The following TP73 variants were observed in gnomAD, a reference collection of about 807,000 sequenced individuals.
The protein encoded by TP73 is p53-like transcription factor.
A neutral mutation model predicts 62.5 loss-of-function variants in TP73; 25 were observed. The ratio of observed to expected loss-of-function variants is 0.40; its 90% CI spans 0.29 to 0.56. The LOEUF (loss-of-function observed/expected upper bound fraction) is 0.56, where lower values mean the gene tolerates loss of function less well. Among genes scored for constraint, TP73 ranks in the 20% least tolerant of loss-of-function variants. The pLI, the probability that TP73 is intolerant of heterozygous loss-of-function variation, is 0.46. For synonymous variants in TP73, 423 were observed against 377.5 expected (o/e 1.12, Z -1.40); for missense variants, 754 against 913.3 (o/e 0.83, Z 2.25).
chr1:3,723,042 C>T (rs140331234), intron 5 of TP73, among the ~76,000 whole-genome samples: 62 of 150,538 alleles, frequency 4.1e-4, no homozygotes, highest in African/African-American at 1.2e-3. Flanking sequence ...CCTCTCTGCA[C>T]CTGGCATGCA....
At chr1:3,719,759 AC>A (rs141023993) in intron 4 of TP73, among the ~76,000 whole-genome samples, 11,018 of 152,152 alleles carry the variant, frequency 0.072, 1,302 homozygotes, top group African/African-American at 0.25. Context: ...AGCCAGACTG[AC>A]CCCACAACAA....
At position 3,730,007 on chromosome 1, in the gene TP73, C is replaced by G. The variant is rs1161015919; in HGVS notation, c.1204C>G (p.Leu402Val). 6.3e-7 allele frequency: 1 copy of G among 1,592,460 alleles called. No individual in the cohort carries two copies. The highest frequency in any genetic ancestry group is 8.6e-7 in the Non-Finnish European group (1 of 1,164,874). The part of the protein sequence containing the change: ...QQQLLQRPSH[L>V]QPPSYGPVLS... ...GCCGTTGCTTCTGAGCAGGAGTCAC[C>G]TACAGCCCCCGTCCTACGGGCCGGT... is the stretch of plus-strand genomic sequence containing the variant. The change falls in exon 11 of 14, where the codon CTA (leucine) becomes GTA (valine). Residue 402 changes from leucine (L) to valine (V), a missense_variant. Around this residue, in one of 3 missense-constraint regions of TP73, gnomAD observed 458 missense variants for 528.7 expected, o/e 0.87. Transcript: ENST00000378295.
rs1259667361 is a variant in TP73 at position 3,728,167 on chromosome 1, G to A, written c.1024G>A (p.Ala342Thr). ...QSPPAVPALGAGVKKRRHGDE... is the reference protein window; with the variant it reads ...QSPPAVPALGTGVKKRRHGDE... ...CCCCCCTGCCGTCCCCGCCCTTGGT[G>A]CCGGTGTGAAGAAGCGGCGGCATGG... Residue 342 changes from alanine to threonine, a missense_variant, in exon 9 of 14, where the codon GCC becomes ACC. Physicochemically the swap from Ala to Thr is moderately conservative, Grantham distance 58 (BLOSUM62 0). Transcript: ENST00000378295. 1 of 1,612,004 alleles carries A rather than the reference G, an allele frequency of 6.2e-7. No individual in the cohort carries two copies. The highest frequency in any genetic ancestry group is 8.5e-7 in the Non-Finnish European group (1 of 1,179,960).
intron 4 of TP73, among the ~76,000 whole-genome samples, chr1:3,712,745 C>T (rs1202805083): frequency 6.6e-6 from 1 of 152,210 alleles, no homozygotes; most frequent in East Asian, 1.9e-4. Context: ...ATGTGCAGGG[C>T]CTCCCACACT....
chr1:3,713,271 A>G (rs770480472), intron 4 of TP73, among the ~76,000 whole-genome samples: 1 of 152,206 alleles, frequency 6.6e-6, no homozygotes, highest in Non-Finnish European at 1.5e-5. Context: ...CTCATGGGCG[A>G]GAAGCCAGGC....
At chr1:3,724,147 A>T (rs1182315645) in intron 6 of TP73, among the ~76,000 whole-genome samples, 1 of 151,326 alleles carries the variant, frequency 6.6e-6, no homozygotes, top group East Asian at 1.9e-4. Flanking sequence ...ACAATTCTGG[A>T]GCTGATGTGG....
At chr1:3,680,524 G>A (rs183737310) in intron 1 of TP73, among the ~76,000 whole-genome samples, 6 of 152,206 alleles carry the variant, frequency 3.9e-5, no homozygotes, top group Non-Finnish European at 5.9e-5. Flanking sequence ...TCTTTCCTCC[G>A]AGTCCAGCCC....
rs1203709511 is a variant in TP73, at chr1:3,663,908, A to T, written c.-34+11267A>T. ...ATACCTGCTTTCCCTGGCTTCTCAG[A>T]TGCCACCGTGCCAGGTTTTGGGGTA... is the stretch of plus-strand genomic sequence containing the variant. On this transcript the variant is annotated intron_variant, in intron 1 of 13. Transcript: ENST00000378295. The surrounding 1 kb of genome is among the most constrained non-coding windows in gnomAD (Gnocchi z 4.7). 6.6e-6 allele frequency among the ~76,000 whole-genome samples: 1 copy of T among 152,118 alleles called. No homozygotes were observed. Among genetic ancestry groups the T allele is most frequent in the East Asian group, 1.9e-4 (1 of 5,166 alleles).
At chr1:3,707,479 C>A in intron 3 of TP73, 70 bp from the exon 4 acceptor site, 2 of 1,546,176 alleles carry the variant, frequency 1.3e-6, no homozygotes, top group Non-Finnish European at 1.8e-6. Flanking sequence ...TGTAACAGGA[C>A]ACCTCCTAGA....
intron 4 of TP73, among the ~76,000 whole-genome samples, chr1:3,716,817 G>T (rs578144895): frequency 6.6e-6 from 1 of 152,162 alleles, no homozygotes; most frequent in African/African-American, 2.4e-5. Context: ...GTGAACCCAC[G>T]AATTTAATGG....
chr1:3,684,594 A>G (rs1263370359), intron 3 of TP73, among the ~76,000 whole-genome samples: 1 of 151,542 alleles, frequency 6.6e-6, no homozygotes, highest in Non-Finnish European at 1.5e-5. Flanking sequence ...GTAGAGGTGG[A>G]GGGGCCGTGT....
rs977220670 is a variant in TP73, at chr1:3,699,011, G to T, written c.187-8538G>T. Reference sequence around the variant, plus strand: ...TGGCCCTGGCACGGGATTGGGCAAGGCCTCGCCTCAGCCCCGGGTGAGAGC... The same window carrying T: ...TGGCCCTGGCACGGGATTGGGCAAGTCCTCGCCTCAGCCCCGGGTGAGAGC... On this transcript the variant is annotated intron_variant, in intron 3 of 13. Transcript: ENST00000378295. The surrounding 1 kb of genome is among the most constrained non-coding windows in gnomAD (Gnocchi z 4.1). Among the ~76,000 whole-genome samples the T allele has an allele frequency of 1.3e-5, 2 of 152,308 alleles. No homozygotes were observed. The highest frequency in any genetic ancestry group is 2.4e-5 in the African/African-American group (1 of 41,572).
intron 1 of TP73, among the ~76,000 whole-genome samples, chr1:3,653,620 G>A (rs543274644): frequency 6.6e-6 from 1 of 152,322 alleles, no homozygotes; most frequent in South Asian, 2.1e-4. Context: ...TTTGGAAATG[G>A]CTCAGGCTCA....
intron 3 of TP73, among the ~76,000 whole-genome samples, chr1:3,706,375 GGGAGGGGGGTAATAGGGA>G: frequency 6.7e-6 from 1 of 149,400 alleles, no homozygotes; most frequent in East Asian, 2.0e-4. Flanking sequence ...CGCAGGCCCG[GGGAGGGGGGTAATAGGGA>G]CAATCACGGT....
chr1:3,711,621 G>C lies in TP73; in HGVS notation c.429+3830G>C, dbSNP rs557930668. On this transcript the variant is annotated intron_variant, in intron 4 of 13. Transcript: ENST00000378295. Reference sequence around the variant, plus strand: ...CAGGCAAGAAGGCAGTGTGGGGTTGGAAGCCCTGGCCCAGCACAGCATCTG... The same window carrying C: ...CAGGCAAGAAGGCAGTGTGGGGTTGCAAGCCCTGGCCCAGCACAGCATCTG... 1.4e-3 allele frequency among the ~76,000 whole-genome samples: 212 copies of C among 152,360 alleles called. 1 individual carries two copies. The highest frequency in any genetic ancestry group is 4.9e-3 in the African/African-American group (205 of 41,590).
At chr1:3,729,569 G>A (rs927954010) in intron 10 of TP73, 121 bp downstream of exon 10, 38 of 1,561,574 alleles carry the variant, frequency 2.4e-5, no homozygotes, top group Admixed American at 6.8e-5. Flanking sequence ...ACAGGCAGCA[G>A]GGTCCAGAGC....
In TP73 at chr1:3,733,988, C is replaced by T. The variant is rs1194261595; in HGVS notation, c.*909C>T. 6.6e-6 allele frequency: 1 copy of T among 151,234 alleles called. No individual in the cohort carries two copies. Among genetic ancestry groups the T allele is most frequent in the Non-Finnish European group, 1.5e-5 (1 of 67,928 alleles). 9.4% of individuals were successfully genotyped at this position (151,234 alleles called of 1,614,324 possible). On this transcript the variant is annotated 3_prime_UTR_variant, in exon 14 of 14. Coordinates refer to ENST00000378295, the MANE Select transcript of TP73 (RefSeq NM_005427.4). Reference sequence around the variant, plus strand: ...GGAGTTCAACCTAGCGCCCATGAGCCAGGCTGAGGAAGCTGAGTGAGAAGC... The same window carrying T: ...GGAGTTCAACCTAGCGCCCATGAGCTAGGCTGAGGAAGCTGAGTGAGAAGC...
chr1:3,718,086 C>T (rs1640754429), intron 4 of TP73, among the ~76,000 whole-genome samples: 2 of 152,142 alleles, frequency 1.3e-5, no homozygotes, highest in Admixed American at 1.3e-4. Context: ...TGGCCCAGGT[C>T]GAAGACCTGT....
At position 3,654,394 on chromosome 1, in the gene TP73, C is replaced by T. The variant is rs1313000308; in HGVS notation, c.-34+1753C>T. On this transcript the variant is annotated intron_variant, in intron 1 of 13. Transcript: ENST00000378295. ...AGTAGCTGTCTCCAAATCCCGAAGG[C>T]CAGTCGCATGGAGAAGCTGGTCTGG... Among the ~76,000 whole-genome samples, 3 of 152,142 alleles carry T rather than the reference C, an allele frequency of 2.0e-5. No individual in the cohort carries two copies. In the East Asian group the frequency reaches 5.8e-4, roughly 29 times the overall value.
Sources: gnomAD v4.1 joint callset for allele counts (sites outside exome capture counted in the v4.1 genomes callset) on GRCh38, gnomAD v4.1.1 for gene constraint, gnomAD v4.1.1 regional missense constraint, Gnocchi (gnomAD v3.1) non-coding constraint, MANE v1.5 for transcripts, NCBI Gene and HGNC (gene_info 2026-07-23, HGNC 2026-07-21) for gene names.